The following TMTC2 variants were observed in gnomAD, a reference collection of about 807,000 sequenced individuals.
TMTC2 encodes the protein transmembrane O-mannosyltransferase targeting cadherins 2.
A neutral mutation model predicts 82.4 loss-of-function variants in TMTC2; 43 were observed. The ratio of observed to expected loss-of-function variants is 0.52; its 90% CI spans 0.41 to 0.67. The LOEUF (loss-of-function observed/expected upper bound fraction) is 0.67. TMTC2 is among the 30% of genes least tolerant of loss of function. The probability of loss-of-function intolerance (pLI) is 0.00; values close to 1 mark genes in which losing one functional copy is unlikely to be tolerated. For missense variants in TMTC2, 919 were observed against 1,012.4 expected, an observed-to-expected ratio of 0.91 and a Z score of 1.25; for synonymous variants, 408 against 381.9, an observed-to-expected ratio of 1.07 and a Z score of -0.80.
intron 11 of TMTC2, among the ~76,000 whole-genome samples, chr12:83,089,817 A>G (rs548648295): frequency 1.3e-4 from 20 of 150,884 alleles, no homozygotes; most frequent in African/African-American, 4.7e-4. Context: ...CATTGGCTTG[A>G]TAATAGCAAA....
intron 3 of TMTC2, among the ~76,000 whole-genome samples, chr12:82,921,965 G>A (rs553858352): frequency 6.6e-6 from 1 of 151,448 alleles, no homozygotes; most frequent in African/African-American, 2.4e-5. Flanking sequence ...AAAAAGGCCA[G>A]TCATGGTGGT....
intron 4 of TMTC2, among the ~76,000 whole-genome samples, chr12:82,958,044 A>G (rs1170081741): frequency 6.6e-6 from 1 of 152,028 alleles, no homozygotes; most frequent in African/African-American, 2.4e-5. Context: ...CATCACCCTG[A>G]TACCAAAACC....
chr12:82,857,099 A>G lies in TMTC2; in HGVS notation c.173A>G (p.His58Arg), dbSNP rs1592578679. The G allele has an allele frequency of 1.2e-6, 2 of 1,613,978 alleles. No homozygotes were observed. Among genetic ancestry groups the G allele is most frequent in the Non-Finnish European group, 1.7e-6 (2 of 1,180,016 alleles). The change falls in exon 2 of 12, where the codon CAC (histidine) becomes CGC (arginine). Residue 58 changes from histidine to arginine, a missense_variant. Physicochemically the swap from His to Arg is conservative, Grantham distance 29. Coordinates refer to ENST00000321196, the MANE Select transcript of TMTC2 (RefSeq NM_152588.3). ...YNDFWGTLLT[H>R]SGSHKSYRPL... ...GATTTTTGGGGGACTCTTCTAACCC[A>G]CAGTGGCAGCCACAAGTCCTACCGG...
At chr12:82,727,829 T>C (rs1282659924) in intron 1 of TMTC2, among the ~76,000 whole-genome samples, 1 of 145,996 alleles carries the variant, frequency 6.8e-6, no homozygotes, top group Non-Finnish European at 1.5e-5. Flanking sequence ...AATTGAAGGA[T>C]AGTCTAAGAA....
intron 11 of TMTC2, among the ~76,000 whole-genome samples, chr12:83,078,872 T>C (rs1449877639): frequency 6.6e-6 from 1 of 152,128 alleles, no homozygotes; most frequent in Admixed American, 6.5e-5. Flanking sequence ...AGGGCAAATA[T>C]GGTGACATTA....
intron 7 of TMTC2, 49 bp downstream of exon 7, chr12:82,967,046 A>G: frequency 7.2e-7 from 1 of 1,396,752 alleles, no homozygotes; most frequent in Non-Finnish European, 1.0e-6. Context: ...GGACCTGTGG[A>G]GAAACAGGAA....
chr12:83,077,353 G>A (rs960211825), intron 11 of TMTC2, among the ~76,000 whole-genome samples: 5 of 152,006 alleles, frequency 3.3e-5, no homozygotes, highest in East Asian at 1.9e-4. Context: ...GACCTTGCCC[G>A]GTTCTCCCCT....
chr12:83,051,435 G>A (rs1368982490), intron 10 of TMTC2, among the ~76,000 whole-genome samples: 1 of 152,054 alleles, frequency 6.6e-6, no homozygotes, highest in Non-Finnish European at 1.5e-5. Context: ...CATGTGTAGG[G>A]CATATGAGTT....
intron 8 of TMTC2, among the ~76,000 whole-genome samples, chr12:82,989,715 A>G (rs1879320597): frequency 6.6e-6 from 1 of 151,424 alleles, no homozygotes; most frequent in African/African-American, 2.4e-5. Context: ...CTGTACCAAA[A>G]ATATGATTTT....
intron 1 of TMTC2, among the ~76,000 whole-genome samples, chr12:82,800,880 C>T (rs868542919): frequency 3.3e-5 from 5 of 152,210 alleles, no homozygotes; most frequent in Middle Eastern, 6.8e-3. Flanking sequence ...GATTGTACAT[C>T]ATTATTAAAC....
At chr12:83,017,870 G>A (rs1026078113) in intron 8 of TMTC2, among the ~76,000 whole-genome samples, 6 of 150,596 alleles carry the variant, frequency 4.0e-5, no homozygotes, top group Admixed American at 1.3e-4. Context: ...TTATCTTTAC[G>A]GTGTCAGAAC....
intron 4 of TMTC2, among the ~76,000 whole-genome samples, chr12:82,951,793 G>A (rs1221507101): frequency 6.6e-6 from 1 of 152,202 alleles, no homozygotes; most frequent in Admixed American, 6.5e-5. Context: ...GTGTTTTAAA[G>A]AAAGTCGGTC....
At chr12:83,100,238 C>T (rs1417113900) in intron 11 of TMTC2, among the ~76,000 whole-genome samples, 1 of 152,064 alleles carries the variant, frequency 6.6e-6, no homozygotes. Context: ...GTTTTTCAAC[C>T]TGCGAGCACA....
At position 82,965,096 on chromosome 12, in the gene TMTC2, G is replaced by GCCTA. The variant is rs1878130306; in HGVS notation, c.1674_1677dup (p.Leu560TyrfsTer35). ...ATTATAAATTGGCCATTGGGAGCAG[G>GCCTA]CCTACCCTGGCTTGTAAGTAATACT... On this transcript the variant is annotated frameshift_variant, in exon 5 of 12. Coordinates refer to ENST00000321196, the MANE Select transcript of TMTC2 (RefSeq NM_152588.3). LOFTEE classifies it high-confidence loss of function. 6.8e-6 allele frequency: 11 copies of GCCTA among 1,610,642 alleles called. No individual in the cohort carries two copies. The highest frequency in any genetic ancestry group is 9.3e-6 in the Non-Finnish European group (11 of 1,177,936).
At chr12:83,061,458 G>A (rs1237479962) in intron 10 of TMTC2, among the ~76,000 whole-genome samples, 1 of 151,558 alleles carries the variant, frequency 6.6e-6, no homozygotes, top group African/African-American at 2.4e-5. Context: ...GTTGATGCTG[G>A]AGAACCCCAC....
At chr12:82,770,372 C>G (rs987797669) in intron 1 of TMTC2, among the ~76,000 whole-genome samples, 2 of 152,018 alleles carry the variant, frequency 1.3e-5, no homozygotes, top group Non-Finnish European at 2.9e-5. Flanking sequence ...ATGTTTTACT[C>G]TATTGCAGAA....
At chr12:82,803,376 C>A (rs970545708) in intron 1 of TMTC2, among the ~76,000 whole-genome samples, 1 of 152,128 alleles carries the variant, frequency 6.6e-6, no homozygotes, top group Admixed American at 6.5e-5. Flanking sequence ...GATGGTTCAG[C>A]AGTTATCACA....
intron 8 of TMTC2, among the ~76,000 whole-genome samples, chr12:83,018,593 A>T (rs1183973624): frequency 1.3e-5 from 2 of 151,910 alleles, no homozygotes; most frequent in Non-Finnish European, 2.9e-5. Flanking sequence ...AAAGTTTCCT[A>T]TTGGAAACCA....
At chr12:82,766,245 C>G (rs1876955164) in intron 1 of TMTC2, among the ~76,000 whole-genome samples, 1 of 152,186 alleles carries the variant, frequency 6.6e-6, no homozygotes, top group Non-Finnish European at 1.5e-5. Context: ...GGGCTATGCA[C>G]TTTCCACTGT....
Sources: gnomAD v4.1 joint callset for allele counts (sites outside exome capture counted in the v4.1 genomes callset) on GRCh38, gnomAD v4.1.1 for gene constraint, MANE v1.5 for transcripts, NCBI Gene and HGNC (gene_info 2026-07-23, HGNC 2026-07-21) for gene names.